The following LSM5 variants were observed in gnomAD, a reference collection of about 807,000 sequenced individuals.
LSM5 encodes U6 snRNA-associated Sm-like protein LSm5.
Under a neutral mutation model 13.8 loss-of-function variants are expected in LSM5, and 8 were observed. The ratio of observed to expected loss-of-function variants is 0.58; its 90% CI spans 0.34 to 1.04. The LOEUF is 1.04. LSM5 is among the 50% of genes least tolerant of loss of function. The probability of loss-of-function intolerance (pLI) is 0.03; values close to 1 mark genes in which losing one functional copy is unlikely to be tolerated. For missense variants in LSM5, 80 were observed against 108.1 expected (o/e 0.74, Z 1.15); for synonymous variants, 35 against 37.0 (o/e 0.95, Z 0.20).
At chr7:32,490,492 T>C (rs890923578), upstream of LSM5, 7 of 751,300 alleles carry the variant, frequency 9.3e-6, no homozygotes, top group Middle Eastern at 3.4e-4. Context: ...GTCAGCTGCG[T>C]GGGTCGCGTT....
rs1021874861 is a variant in LSM5, at chr7:32,486,556, G to A, written c.*705C>T. On this transcript the variant is annotated 3_prime_UTR_variant, in exon 5 of 5. Transcript: ENST00000450169. Reference sequence around the variant, plus strand: ...GTTCCTTGATTTGACCTGAGTCCTGGAGTTCTTAGCTGCTTTTAGTATCCT... The same window carrying A: ...GTTCCTTGATTTGACCTGAGTCCTGAAGTTCTTAGCTGCTTTTAGTATCCT... 1 of 152,214 alleles carries A rather than the reference G, an allele frequency of 6.6e-6. No individual in the cohort carries two copies. The highest frequency in any genetic ancestry group is 1.5e-5 in the Non-Finnish European group (1 of 68,128). The allele number at this position is 152,214 out of a possible 1,614,324, so 9.4% of individuals were successfully genotyped here.
At chr7:32,489,612 T>C (rs949959633) in intron 1 of LSM5, 1 of 383,192 alleles carries the variant, frequency 2.6e-6, no homozygotes, top group Non-Finnish European at 4.7e-6. Flanking sequence ...TACAAAAATA[T>C]AAGAGGAGAT....
intron 1 of LSM5, 170 bp from the exon 2 acceptor site, chr7:32,489,514 A>G (rs1448699791): frequency 5.3e-6 from 3 of 561,430 alleles, no homozygotes; most frequent in African/African-American, 3.9e-5. Context: ...CTGGCACATA[A>G]TGAGCCTTCC....
rs1786498127 is a variant in LSM5 at position 32,488,504 on chromosome 7, CG to C, written c.170+120del. On this transcript the variant is annotated intron_variant, in intron 3 of 4. Transcript: ENST00000450169. ...CAATTTTACAAGCAAACAGATAAAA[CG>C]TCTATCTTTAACGTTATTCCACCAA... 4.2e-6 allele frequency: 3 copies of C among 706,288 alleles called. No individual in the cohort carries two copies. The Admixed American group carries it at 7.2e-5, about 17-fold the overall frequency. 43.8% of individuals were successfully genotyped at this position (706,288 alleles called of 1,614,324 possible).
intron 1 of LSM5, chr7:32,490,027 A>G (rs1786540728): frequency 5.8e-6 from 8 of 1,386,376 alleles, no homozygotes; most frequent in African/African-American, 1.4e-5. Flanking sequence ...CCTACTACCT[A>G]TAACACTGCA....
chr7:32,488,449 T>C lies in LSM5; in HGVS notation c.170+176A>G, dbSNP rs933096235. 7.4e-6 allele frequency: 4 copies of C among 543,384 alleles called. No homozygotes were observed. The African/African-American group carries it at 7.8e-5, about 11-fold the overall frequency. 33.7% of individuals were successfully genotyped at this position (543,384 alleles called of 1,614,324 possible). A position where few individuals can be genotyped will look rare whatever the true frequency, so the allele number is the denominator to read the frequency against. On this transcript the variant is annotated intron_variant, in intron 3 of 4. Coordinates refer to ENST00000450169, the MANE Select transcript of LSM5 (RefSeq NM_012322.3). ...CACTAATATTCTAGGCGTTTACTAA[T>C]AATTACATTAAGGTAATAACACTCT... is the stretch of plus-strand genomic sequence containing the variant.
upstream of LSM5, chr7:32,490,392 A>G (rs981195589): frequency 3.8e-6 from 6 of 1,584,066 alleles, no homozygotes; most frequent in Admixed American, 3.3e-5. Flanking sequence ...GCCTGCCTTC[A>G]TTGATGGTGG....
Position 32,486,318 on chromosome 7 carries a change from A to G in LSM5, c.*943T>C, listed in dbSNP as rs892112920. ...ACCATTTAAATTCAAAAAATGACTT[A>G]AGTGGAGGGTAAAAACAGTATAATC... On this transcript the variant is annotated 3_prime_UTR_variant, in exon 5 of 5. Transcript: ENST00000450169. 1 of 152,244 alleles carries G rather than the reference A, an allele frequency of 6.6e-6. No homozygotes were observed. The highest frequency in any genetic ancestry group is 6.5e-5 in the Admixed American group (1 of 15,274). The allele number at this position is 152,244 out of a possible 1,614,324, so 9.4% of individuals were successfully genotyped here.
intron 3 of LSM5, 50 bp downstream of exon 3, chr7:32,488,575 A>G (rs748965896): frequency 7.7e-7 from 1 of 1,292,460 alleles, no homozygotes; most frequent in South Asian, 1.2e-5. Flanking sequence ...AAGTAGTAAA[A>G]CTGTCTTTAA....
intron 1 of LSM5, 24 bp downstream of exon 1, chr7:32,490,296 T>G (rs774026150): frequency 3.1e-6 from 5 of 1,614,188 alleles, no homozygotes; most frequent in Non-Finnish European, 4.2e-6. Context: ...TCCCTGTTCC[T>G]GCTCCCCAAA....
upstream of LSM5, among the ~76,000 whole-genome samples, chr7:32,494,240 C>T (rs538903020): frequency 1.3e-5 from 2 of 152,208 alleles, no homozygotes; most frequent in Non-Finnish European, 2.9e-5. Flanking sequence ...ATAGTTAACA[C>T]ATCACACAGC....
In LSM5 at chr7:32,488,618, T is replaced by C. The variant is rs1786500698; in HGVS notation, c.170+7A>G. The C allele has an allele frequency of 1.3e-6, 2 of 1,590,150 alleles. No homozygotes were observed. Among genetic ancestry groups the C allele is most frequent in the Non-Finnish European group, 1.7e-6 (2 of 1,159,112 alleles). Reference sequence around the variant, plus strand: ...GAGATTCCCCCCAATTCTTTAACACTACTCACAACTCAGTGACATCTTCCA... The same window carrying C: ...GAGATTCCCCCCAATTCTTTAACACCACTCACAACTCAGTGACATCTTCCA... On this transcript the variant is annotated splice_region_variant and intron_variant, in intron 3 of 4. Coordinates refer to ENST00000450169, the MANE Select transcript of LSM5 (RefSeq NM_012322.3).
chr7:32,488,285 T>G (rs1025824817), intron 3 of LSM5: 4 of 230,414 alleles, frequency 1.7e-5, no homozygotes, highest in Non-Finnish European at 1.7e-5. Context: ...TCCTCCTCCT[T>G]TGGCCTTCCA....
chr7:32,488,567 G>T, intron 3 of LSM5, 58 bp downstream of exon 3: 2 of 1,119,898 alleles, frequency 1.8e-6, no homozygotes, highest in Non-Finnish European at 2.7e-6. Context: ...TTACTCAAAA[G>T]TAGTAAAACT....
Position 32,487,204 on chromosome 7 carries a change from C to G in LSM5, c.*57G>C. On this transcript the variant is annotated 3_prime_UTR_variant, in exon 5 of 5. Transcript: ENST00000450169. ...ACATTAGAAAGTGGGAAAAAAAATT[C>G]CATTTTCTTGTCATTATAAGCCAAA... 3 of 1,504,420 alleles carry G rather than the reference C, an allele frequency of 2.0e-6. No homozygotes were observed. The allele number at this position is 1,504,420 out of a possible 1,614,324, so 93.2% of individuals were successfully genotyped here.
rs971964309 is a variant in LSM5 at position 32,486,230 on chromosome 7, T to G, written c.*1031A>C. Reference sequence around the variant, plus strand: ...CAGTAAGAATAGGCTAAATAATTTATAGTAAATCCATTTAATACTATGTAC... The same window carrying G: ...CAGTAAGAATAGGCTAAATAATTTAGAGTAAATCCATTTAATACTATGTAC... On this transcript the variant is annotated 3_prime_UTR_variant, in exon 5 of 5. Coordinates refer to ENST00000450169, the MANE Select transcript of LSM5 (RefSeq NM_012322.3). 6.6e-6 allele frequency: 1 copy of G among 152,206 alleles called. No individual in the cohort carries two copies. Among genetic ancestry groups the G allele is most frequent in the African/African-American group, 2.4e-5 (1 of 41,448 alleles). 9.4% of individuals were successfully genotyped at this position (152,206 alleles called of 1,614,324 possible). A position where few individuals can be genotyped will look rare whatever the true frequency, so the allele number is the denominator to read the frequency against.
chr7:32,487,867 A>C, intron 3 of LSM5, 110 bp from the exon 4 acceptor site: 1 of 635,988 alleles, frequency 1.6e-6, no homozygotes. Context: ...AATTACACTG[A>C]GGTTGAGCAA....
In LSM5 at chr7:32,487,131, C is replaced by A; in HGVS notation, c.*130G>T. 2 of 765,336 alleles carry A rather than the reference C, an allele frequency of 2.6e-6. No homozygotes were observed. Among genetic ancestry groups the A allele is most frequent in the East Asian group, 5.3e-5 (2 of 37,458 alleles). 47.4% of individuals were successfully genotyped at this position (765,336 alleles called of 1,614,324 possible). On this transcript the variant is annotated 3_prime_UTR_variant, in exon 5 of 5. Transcript: ENST00000450169. ...TTAACTTACAAAAATGGGTACACAT[C>A]TTCAAAGCACTTCCCTTTAACGGGA...
intron 2 of LSM5, 73 bp from the exon 3 acceptor site, chr7:32,488,725 G>GTT (rs1204323751): frequency 3.5e-5 from 37 of 1,042,924 alleles, no homozygotes; most frequent in Non-Finnish European, 3.0e-5. Context: ...TTTGTTTTTT[G>GTT]TTTTTGTTTT....
Sources: allele counts gnomAD v4.1 joint callset (sites outside exome capture counted in the v4.1 genomes callset), GRCh38; gene constraint gnomAD v4.1.1; transcripts MANE v1.5; gene names NCBI Gene and HGNC (gene_info 2026-07-23, HGNC 2026-07-21).